Variants in BCAS3 observed in about 807,000 individuals in gnomAD.
BCAS3 encodes BCAS3 microtubule associated cell migration factor, also known as BCAS4/BCAS3 fusion.
BCAS3 carries 53 observed loss-of-function variants against 116.1 expected under a neutral mutation model. The ratio of observed to expected loss-of-function variants is 0.46; its 90% CI spans 0.37 to 0.57. BCAS3 has a LOEUF of 0.57. Ranked by LOEUF, BCAS3 falls within the 20% of genes least tolerant of loss-of-function variation. The pLI is 0.00. For missense variants in BCAS3, 917 were observed against 1,165.4 expected (o/e 0.79, Z 3.10); for synonymous variants, 391 against 408.2 (o/e 0.96, Z 0.51).
chr17:60,974,855 A>C (rs2062194855), intron 14 of BCAS3, among the ~76,000 whole-genome samples: 1 of 152,114 alleles, frequency 6.6e-6, no homozygotes. Context: ...TTCCCAGATT[A>C]AGTTAAGTGC....
rs57589505 is a variant in BCAS3, at chr17:61,156,171, T to TAA, written c.2425+71620_2425+71621dup. 2.8e-5 allele frequency among the ~76,000 whole-genome samples: 4 copies of TAA among 140,952 alleles called. No homozygotes were observed. Among genetic ancestry groups the TAA allele is most frequent in the African/African-American group, 5.2e-5 (2 of 38,544 alleles). 92.5% of individuals were successfully genotyped at this position (140,952 alleles called of 152,430 possible). On this transcript the variant is annotated intron_variant, in intron 22 of 23. Transcript: ENST00000407086. This position sits in a 1 kb window ranked among gnomAD's most constrained non-coding sequence, Gnocchi z 4.7. ...GAGAAAGACAGTCAGCCAGACACAT[T>TAA]AAAAAAAAAAAAAAGAAAAGTAAAA...
intron 22 of BCAS3, among the ~76,000 whole-genome samples, chr17:61,255,799 A>G (rs2048731116): frequency 1.3e-5 from 2 of 152,096 alleles, no homozygotes; most frequent in Admixed American, 6.6e-5. Flanking sequence ...TCTTTTCCCT[A>G]AGTTATTTGT....
chr17:61,034,638 GT>G lies in BCAS3; in HGVS notation c.1638-22del, dbSNP rs2066879837. Reference sequence around the variant, plus strand: ...GGAGTATCATTTCATCATGATAATTGTTTTTTACTCTTATTTTATTTTTTAA... The same window carrying G: ...GGAGTATCATTTCATCATGATAATTGTTTTTACTCTTATTTTATTTTTTAA... On this transcript the variant is annotated intron_variant, in intron 16 of 23. Transcript: ENST00000407086. This position sits in a 1 kb window ranked among gnomAD's most constrained non-coding sequence, Gnocchi z 5.0. The G allele has an allele frequency of 6.4e-7, 1 of 1,572,284 alleles. No individual in the cohort carries two copies. The highest frequency in any genetic ancestry group is 1.1e-5 in the South Asian group (1 of 87,262).
intron 19 of BCAS3, among the ~76,000 whole-genome samples, chr17:61,072,942 G>A (rs1263548550): frequency 6.6e-6 from 1 of 152,016 alleles, no homozygotes; most frequent in African/African-American, 2.4e-5. Flanking sequence ...CTGCTTTCCA[G>A]CCTCTACATA....
intron 22 of BCAS3, among the ~76,000 whole-genome samples, chr17:61,283,647 G>A (rs2051443589): frequency 6.6e-6 from 1 of 151,932 alleles, no homozygotes; most frequent in African/African-American, 2.4e-5. Flanking sequence ...TCGAGACAGG[G>A]TTTCAATGTG....
chr17:61,321,290 C>A (rs1812151106), intron 22 of BCAS3, among the ~76,000 whole-genome samples: 1 of 152,158 alleles, frequency 6.6e-6, no homozygotes, highest in Non-Finnish European at 1.5e-5. Context: ...CAAGTAAGGA[C>A]AGAGCGTTAG....
intron 22 of BCAS3, among the ~76,000 whole-genome samples, chr17:61,341,412 T>C (rs34543506): frequency 0.69 from 105,131 of 151,898 alleles, 37,075 homozygotes; most frequent in Non-Finnish European, 0.77. Flanking sequence ...ACAGAGAGAG[T>C]GAGCGTATGG....
At chr17:60,801,526 A>C (rs1278246670) in intron 6 of BCAS3, among the ~76,000 whole-genome samples, 1 of 151,996 alleles carries the variant, frequency 6.6e-6, no homozygotes, top group Non-Finnish European at 1.5e-5. Flanking sequence ...CCAGTACTCT[A>C]TTGAAAAACA....
intron 22 of BCAS3, among the ~76,000 whole-genome samples, chr17:61,329,850 C>T (rs1051031036): frequency 1.3e-5 from 2 of 152,128 alleles, no homozygotes; most frequent in African/African-American, 2.4e-5. Flanking sequence ...GACCGCAAGA[C>T]GCCGCTTACC....
intron 15 of BCAS3, among the ~76,000 whole-genome samples, chr17:61,010,489 CT>C (rs531855714): frequency 1.2e-3 from 169 of 145,260 alleles, no homozygotes; most frequent in East Asian, 1.2e-3. Context: ...TTCATAATTC[CT>C]TTTTTTTTTT....
intron 22 of BCAS3, among the ~76,000 whole-genome samples, chr17:61,149,466 TG>T (rs1418501801): frequency 6.6e-6 from 1 of 152,122 alleles, no homozygotes; most frequent in Admixed American, 6.5e-5. Context: ...AGTATATCAG[TG>T]AGGGTAAAAA....
intron 13 of BCAS3, among the ~76,000 whole-genome samples, chr17:60,934,835 G>A (rs1320852167): frequency 6.6e-6 from 1 of 152,154 alleles, no homozygotes; most frequent in Non-Finnish European, 1.5e-5. Context: ...AAGAGTGGGT[G>A]CAGGAACGGA....
chr17:60,684,042 T>A lies in BCAS3; in HGVS notation c.138+6T>A, dbSNP rs758244318. The A allele has an allele frequency of 7.4e-6, 12 of 1,613,002 alleles. No homozygotes were observed. In the South Asian group the frequency reaches 1.1e-4, roughly 15 times the overall value. On this transcript the variant is annotated splice_donor_region_variant and intron_variant, in intron 3 of 23. Coordinates refer to ENST00000407086, the MANE Select transcript of BCAS3 (RefSeq NM_017679.5). ...TGCAGGATGTTGTGCCACAGGTAAG[T>A]GTCTATATGTGCTTTCGCCTTTCCC...
At chr17:60,920,955 C>T (rs1451058417) in intron 12 of BCAS3, among the ~76,000 whole-genome samples, 4 of 152,080 alleles carry the variant, frequency 2.6e-5, no homozygotes, top group African/African-American at 4.8e-5. Flanking sequence ...AAAGGGAACA[C>T]GTATACACTG....
At chr17:60,936,518 C>T (rs1471566194) in intron 13 of BCAS3, among the ~76,000 whole-genome samples, 1 of 152,128 alleles carries the variant, frequency 6.6e-6, no homozygotes, top group Non-Finnish European at 1.5e-5. Context: ...TCTCCAGCAC[C>T]TGTTGTTTCC....
chr17:61,291,503 G>C (rs1167200466), intron 22 of BCAS3, among the ~76,000 whole-genome samples: 2 of 152,146 alleles, frequency 1.3e-5, no homozygotes, highest in African/African-American at 4.8e-5. Context: ...TTTGAAGTTT[G>C]GAAAGGGTTC....
chr17:61,196,710 A>G lies in BCAS3; in HGVS notation c.2425+112146A>G, dbSNP rs1273140347. ...TCTGCTTTTCACCTAACTTAATCAAATAAGTGAAGACTTTCTGAGACGGAA... is the reference window on the plus strand; with the variant it reads ...TCTGCTTTTCACCTAACTTAATCAAGTAAGTGAAGACTTTCTGAGACGGAA... On this transcript the variant is annotated intron_variant, in intron 22 of 23. Transcript: ENST00000407086. The surrounding 1 kb of genome is among the most constrained non-coding windows in gnomAD (Gnocchi z 4.7). Among the ~76,000 whole-genome samples the G allele has an allele frequency of 6.6e-6, 1 of 152,252 alleles. No homozygotes were observed. Among genetic ancestry groups the G allele is most frequent in the Non-Finnish European group, 1.5e-5 (1 of 68,038 alleles).
chr17:61,060,890 C>T (rs748178665), intron 19 of BCAS3, among the ~76,000 whole-genome samples: 3 of 152,108 alleles, frequency 2.0e-5, no homozygotes, highest in Non-Finnish European at 2.9e-5. Context: ...GAGGCAGGGA[C>T]AGTGATTTGT....
chr17:60,783,147 G>A (rs1473181906), intron 6 of BCAS3, among the ~76,000 whole-genome samples: 2 of 152,126 alleles, frequency 1.3e-5, no homozygotes, highest in East Asian at 3.8e-4. Context: ...ATGGACTTTG[G>A]GTGATGATGT....
Sources: allele counts gnomAD v4.1 joint callset (sites outside exome capture counted in the v4.1 genomes callset), GRCh38; gene constraint gnomAD v4.1.1; non-coding constraint Gnocchi (gnomAD v3.1); transcripts MANE v1.5; gene names NCBI Gene and HGNC (gene_info 2026-07-23, HGNC 2026-07-21).